Variants in RYR3 observed in about 807,000 individuals in gnomAD.
The protein encoded by RYR3 is ryanodine receptor 3.
RYR3 carries 207 observed loss-of-function variants against 584.3 expected under a neutral mutation model. That is an observed-to-expected ratio of 0.35 (90% CI 0.32 to 0.40). RYR3 has a LOEUF of 0.40. Ranked by LOEUF, RYR3 falls within the 10% of genes least tolerant of loss-of-function variation. The pLI, the probability that RYR3 is intolerant of heterozygous loss-of-function variation, is 1.00. For synonymous variants in RYR3, 2,416 were observed against 2,248.5 expected, an observed-to-expected ratio of 1.07 and a Z score of -2.11; for missense variants, 5,616 against 6,089.2, an observed-to-expected ratio of 0.92 and a Z score of 2.59.
chr15:33,527,126 G>A (rs1260657155), intron 3 of RYR3, among the ~76,000 whole-genome samples: 1 of 152,044 alleles, frequency 6.6e-6, no homozygotes, highest in Admixed American at 6.6e-5. Flanking sequence ...AGGGAACCAG[G>A]TCATACAGGG....
chr15:33,636,416 C>A lies in RYR3; in HGVS notation c.3422C>A (p.Thr1141Asn), dbSNP rs773699409. 6.2e-7 allele frequency: 1 copy of A among 1,613,906 alleles called. No individual in the cohort carries two copies. The highest frequency in any genetic ancestry group is 8.5e-7 in the Non-Finnish European group (1 of 1,179,838). The change falls in exon 27 of 104, where the codon ACC becomes AAC. Residue 1141 changes from threonine (T) to asparagine (N), a missense_variant. Transcript: ENST00000634891. ...CAAGGAAGTGGGTATTTTGGGCGTA[C>A]CTGGCAGCCAGGGGATGTGGTCGGA... ...WHQGSGYFGR[T>N]WQPGDVVGCM...
chr15:33,420,256 A>G (rs1203079569), intron 1 of RYR3, among the ~76,000 whole-genome samples: 1 of 152,114 alleles, frequency 6.6e-6, no homozygotes, highest in African/African-American at 2.4e-5. Flanking sequence ...TAAAAAGAAA[A>G]TATAATTGGG....
chr15:33,420,318 G>T (rs754940052), intron 1 of RYR3, among the ~76,000 whole-genome samples: 8 of 152,158 alleles, frequency 5.3e-5, no homozygotes, highest in Non-Finnish European at 7.4e-5. Flanking sequence ...AATGTCAGGG[G>T]TTTGAGTGTT....
intron 1 of RYR3, among the ~76,000 whole-genome samples, chr15:33,403,811 TC>T (rs146562833): frequency 2.0e-5 from 3 of 152,344 alleles, no homozygotes; most frequent in African/African-American, 7.2e-5. Flanking sequence ...ATACATTGGT[TC>T]CTCCAGTGCC....
chr15:33,319,234 T>C (rs114610764), intron 1 of RYR3, among the ~76,000 whole-genome samples: 1 of 152,212 alleles, frequency 6.6e-6, no homozygotes, highest in Non-Finnish European at 1.5e-5. Flanking sequence ...TTGAATCGTG[T>C]TGCTCTATAC....
chr15:33,517,446 C>T (rs1314780658), intron 3 of RYR3, among the ~76,000 whole-genome samples: 1 of 152,248 alleles, frequency 6.6e-6, no homozygotes, highest in Non-Finnish European at 1.5e-5. Context: ...ATGTACATTA[C>T]AATGACCATT....
chr15:33,849,188 C>T (rs1333780242), intron 94 of RYR3: 1 of 152,118 alleles, frequency 6.6e-6, no homozygotes, highest in African/African-American at 2.4e-5. Flanking sequence ...CTCGTCTTAA[C>T]GTAAGATTGA....
intron 10 of RYR3, among the ~76,000 whole-genome samples, chr15:33,557,555 T>TAGAGA (rs2152473906): frequency 6.6e-6 from 1 of 152,224 alleles, no homozygotes; most frequent in African/African-American, 2.4e-5. Flanking sequence ...CAGCTAATTT[T>TAGAGA]TGTATTTTTA....
intron 60 of RYR3, among the ~76,000 whole-genome samples, chr15:33,766,870 T>C (rs1167180159): frequency 2.0e-5 from 3 of 152,198 alleles, no homozygotes; most frequent in Non-Finnish European, 4.4e-5. Context: ...GGAGAGGCAC[T>C]TGGGGACTCG....
At chr15:33,357,278 AAAAC>A (rs1424990536) in intron 1 of RYR3, among the ~76,000 whole-genome samples, 1 of 152,202 alleles carries the variant, frequency 6.6e-6, no homozygotes, top group African/African-American at 2.4e-5. Context: ...TTTTCTTAAT[AAAAC>A]AAACAAAAAC....
chr15:33,585,250 T>C (rs1446242565), intron 15 of RYR3, among the ~76,000 whole-genome samples: 1 of 152,212 alleles, frequency 6.6e-6, no homozygotes, highest in Non-Finnish European at 1.5e-5. Context: ...TGCCTCGGTC[T>C]CATGGGCTAG....
intron 1 of RYR3, among the ~76,000 whole-genome samples, chr15:33,470,319 G>A (rs1363000571): frequency 2.6e-5 from 4 of 152,054 alleles, no homozygotes; most frequent in Admixed American, 2.6e-4. Flanking sequence ...TATTGACAGA[G>A]TTGCATCTGC....
intron 53 of RYR3, among the ~76,000 whole-genome samples, chr15:33,747,419 C>CTTT (rs397854038): frequency 1.4e-4 from 10 of 71,940 alleles, no homozygotes; most frequent in Admixed American, 1.7e-4. Flanking sequence ...TGTTGTCACC[C>CTTT]TTTTTTTTTT....
At position 33,865,289 on chromosome 15, in the gene RYR3, T is replaced by C. The variant is rs1890126951; in HGVS notation, c.*63T>C. On this transcript the variant is annotated 3_prime_UTR_variant, in exon 104 of 104. Transcript: ENST00000634891. ...ACTTCCCATGAAATAAAGTCCCCTT[T>C]TTACAGTTCTGCAACATATCTGAAA... 1.7e-6 allele frequency: 2 copies of C among 1,165,942 alleles called. No individual in the cohort carries two copies. Among genetic ancestry groups the C allele is most frequent in the Admixed American group, 3.9e-5 (2 of 51,458 alleles). The allele number at this position is 1,165,942 out of a possible 1,614,324, so 72.2% of individuals were successfully genotyped here. A position where few individuals can be genotyped will look rare whatever the true frequency, so the allele number is the denominator to read the frequency against.
In RYR3 at chr15:33,738,481, A is replaced by G. The variant is rs760887545; in HGVS notation, c.7547A>G (p.Lys2516Arg). 8 of 1,613,798 alleles carry G rather than the reference A, an allele frequency of 5.0e-6. No individual in the cohort carries two copies. In the Admixed American group the frequency reaches 1.3e-4, roughly 27 times the overall value. ...LLTNHYEQCW[K>R]YYCLPSGWGS... ...ACGAATCACTATGAACAGTGTTGGA[A>G]GTATTACTGCCTGCCTTCAGGATGG... Residue 2516 changes from lysine (K) to arginine (R), a missense_variant, in exon 50 of 104, where the codon AAG becomes AGG. Lys to Arg is a conservative substitution (Grantham distance 26, BLOSUM62 2). Around this residue, in one of 9 missense-constraint regions of RYR3, gnomAD observed 1,280 missense variants for 1,426.2 expected, o/e 0.90. Transcript: ENST00000634891.
chr15:33,715,005 A>G (rs186876296), intron 43 of RYR3, among the ~76,000 whole-genome samples: 135 of 152,372 alleles, frequency 8.9e-4, no homozygotes, highest in Non-Finnish European at 1.4e-3. Flanking sequence ...ATCTGGTAGA[A>G]TTAGTCAAGG....
At position 33,412,278 on chromosome 15, in the gene RYR3, A is replaced by G. The variant is rs189144544; in HGVS notation, c.52-61141A>G. On this transcript the variant is annotated intron_variant, in intron 1 of 103. Coordinates refer to ENST00000634891, the MANE Select transcript of RYR3 (RefSeq NM_001036.6). The surrounding 1 kb of genome is among the most constrained non-coding windows in gnomAD (Gnocchi z 4.3). The stretch of plus-strand genomic sequence containing the variant: ...CCTTTGGCTTGAGGCTGGGAAGGCC[A>G]TGGGTTGTTCTTGGCACGGACTTGC... Among the ~76,000 whole-genome samples, 6 of 152,284 alleles carry G rather than the reference A, an allele frequency of 3.9e-5. No individual in the cohort carries two copies. The highest frequency in any genetic ancestry group is 3.9e-4 in the East Asian group (2 of 5,174).
At chr15:33,761,303 G>C (rs559728719) in intron 60 of RYR3, among the ~76,000 whole-genome samples, 21 of 152,122 alleles carry the variant, frequency 1.4e-4, no homozygotes, top group Admixed American at 4.6e-4. Context: ...AAAAAAATCA[G>C]TGAATCCAGG....
intron 84 of RYR3, among the ~76,000 whole-genome samples, 177 bp from the exon 85 acceptor site, chr15:33,827,022 G>A (rs573548123): frequency 7.9e-5 from 12 of 152,292 alleles, no homozygotes; most frequent in Middle Eastern, 3.4e-3. Flanking sequence ...TCTGGTGTCC[G>A]CAGGTTGGGG....
Sources: gnomAD v4.1 joint callset for allele counts (sites outside exome capture counted in the v4.1 genomes callset) on GRCh38, gnomAD v4.1.1 for gene constraint, gnomAD v4.1.1 regional missense constraint, Gnocchi (gnomAD v3.1) non-coding constraint, MANE v1.5 for transcripts, NCBI Gene and HGNC (gene_info 2026-07-23, HGNC 2026-07-21) for gene names.